TAF5L: variants seen among roughly 807,000 people sequenced by gnomAD.
TAF5L encodes the protein TATA-box binding protein associated factor 5 like, also known as TAF5-like RNA polymerase II p300/CBP-associated factor-associated factor 65 kDa subunit 5L.
TAF5L carries 7 observed loss-of-function variants against 51.3 expected under a neutral mutation model. The ratio of observed to expected loss-of-function variants is 0.14; its 90% CI spans 0.08 to 0.26. The LOEUF (loss-of-function observed/expected upper bound fraction) is 0.26, where lower values mean the gene tolerates loss of function less well. Ranked by LOEUF, TAF5L falls within the 10% of genes least tolerant of loss-of-function variation. The probability of loss-of-function intolerance (pLI) is 1.00; values close to 1 mark genes in which losing one functional copy is unlikely to be tolerated. For synonymous variants in TAF5L, 291 were observed against 308.1 expected, an observed-to-expected ratio of 0.94 and a Z score of 0.58; for missense variants, 575 against 758.9, an observed-to-expected ratio of 0.76 and a Z score of 2.85.
Position 229,602,184 on chromosome 1 carries a change from G to A in TAF5L, c.972+11C>T, listed in dbSNP as rs1335978619. 1.9e-6 allele frequency: 3 copies of A among 1,604,294 alleles called. No individual in the cohort carries two copies. In the African/African-American group the frequency reaches 4.0e-5, roughly 22 times the overall value. ...AGGCGGGTGCAGGGAAGAAAAAAAT[G>A]GTATTCATACCTCCTCCTCCAGAAT... On this transcript the variant is annotated intron_variant, in intron 4 of 4. Coordinates refer to ENST00000258281, the Ensembl canonical transcript of TAF5L. This position sits in a 1 kb window ranked among gnomAD's most constrained non-coding sequence, Gnocchi z 4.6.
intron 4 of TAF5L, among the ~76,000 whole-genome samples, chr1:229,596,757 T>C (rs1002051465): frequency 1.3e-5 from 2 of 152,206 alleles, no homozygotes; most frequent in Non-Finnish European, 1.5e-5. Flanking sequence ...AATTCATCAA[T>C]TAAAATGGGT....
chr1:229,622,313 CTTG>C (rs1665241166), intron 1 of TAF5L, among the ~76,000 whole-genome samples: 3 of 152,256 alleles, frequency 2.0e-5, no homozygotes, highest in Middle Eastern at 3.4e-3. Context: ...CAAACAGCAC[CTTG>C]TTGTTCAAAA....
chr1:229,621,430 G>A (rs1055122759), intron 1 of TAF5L, among the ~76,000 whole-genome samples: 1 of 152,160 alleles, frequency 6.6e-6, no homozygotes, highest in Non-Finnish European at 1.5e-5. Context: ...ACCTTACTGG[G>A]AGGATATCTT....
chr1:229,615,261 G>T (rs540999736), intron 1 of TAF5L, among the ~76,000 whole-genome samples: 1 of 152,148 alleles, frequency 6.6e-6, no homozygotes, highest in African/African-American at 2.4e-5. Context: ...CTAATTTTTT[G>T]TATTTTTAGT....
chr1:229,614,403 C>A (rs1664898466), exon 2 of TAF5L: 3 of 1,614,230 alleles, frequency 1.9e-6, no homozygotes, highest in Non-Finnish European at 2.5e-6. Flanking sequence ...CTTCAGGGGA[C>A]CATCTGAGTC....
intron 1 of TAF5L, among the ~76,000 whole-genome samples, chr1:229,617,542 T>A (rs996305183): frequency 6.6e-6 from 1 of 152,222 alleles, no homozygotes; most frequent in African/African-American, 2.4e-5. Flanking sequence ...TGCACATCCG[T>A]GAGCATTCCA....
chr1:229,613,360 A>T (rs920347647), intron 2 of TAF5L, among the ~76,000 whole-genome samples: 7 of 151,488 alleles, frequency 4.6e-5, no homozygotes, highest in Non-Finnish European at 1.0e-4. Flanking sequence ...AAGAAAGAAG[A>T]AGAAGAAGAA....
chr1:229,613,339 A>AG (rs1386766564), intron 2 of TAF5L, among the ~76,000 whole-genome samples: 2 of 151,588 alleles, frequency 1.3e-5, no homozygotes, highest in East Asian at 1.9e-4. Context: ...CAAAAAAAAA[A>AG]AAAAAAAAAG....
chr1:229,609,237 G>T (rs557658561), intron 3 of TAF5L, among the ~76,000 whole-genome samples: 2 of 152,152 alleles, frequency 1.3e-5, no homozygotes, highest in Non-Finnish European at 2.9e-5. Flanking sequence ...ACAGTGAGAT[G>T]GCTCTTGTCA....
chr1:229,601,155 C>G, intron 4 of TAF5L: 1 of 985,148 alleles, frequency 1.0e-6, no homozygotes, highest in Non-Finnish European at 1.2e-6. Context: ...GTCTCGGTTG[C>G]AAGAATCAAA....
At chr1:229,601,190 A>C (rs979299237) in intron 4 of TAF5L, 3 of 985,446 alleles carry the variant, frequency 3.0e-6, no homozygotes, top group Non-Finnish European at 3.6e-6. Context: ...CCTAACTGGA[A>C]GTGGACTCAG....
At chr1:229,598,014 A>G (rs1664191171) in intron 4 of TAF5L, among the ~76,000 whole-genome samples, 2 of 152,210 alleles carry the variant, frequency 1.3e-5, no homozygotes, top group African/African-American at 4.8e-5. Context: ...GTGGAACAGG[A>G]AGACATTAAA....
intron 3 of TAF5L, among the ~76,000 whole-genome samples, chr1:229,605,859 C>T (rs6666951): frequency 1.3e-5 from 2 of 152,236 alleles, no homozygotes; most frequent in African/African-American, 4.8e-5. Flanking sequence ...TGTGCCAAGC[C>T]TCCACAATTG....
At chr1:229,612,088 T>C (rs1003511093) in intron 2 of TAF5L, among the ~76,000 whole-genome samples, 2 of 152,224 alleles carry the variant, frequency 1.3e-5, no homozygotes, top group Non-Finnish European at 2.9e-5. Context: ...GGTCAAATCG[T>C]AGCTATCTCT....
chr1:229,594,386 C>G lies in TAF5L; in HGVS notation c.1681G>C (p.Gly561Arg). 6.2e-7 allele frequency: 1 copy of G among 1,614,152 alleles called. No individual in the cohort carries two copies. The highest frequency in any genetic ancestry group is 8.5e-7 in the Non-Finnish European group (1 of 1,180,034). Reference sequence around the variant, plus strand: ...ACGCTCAGGACGTTGCTCATCTGCCCGGTGTACACGCCCACGAGCTCGCTG... The same window carrying G: ...ACGCTCAGGACGTTGCTCATCTGCCGGGTGTACACGCCCACGAGCTCGCTG... Residue 561 changes from glycine to arginine, a missense_variant, in exon 5 of 5, where the codon GGG becomes CGG. Gly to Arg is a moderately radical substitution (Grantham distance 125). Coordinates refer to ENST00000258281, the Ensembl canonical transcript of TAF5L. The surrounding 1 kb of genome is among the most constrained non-coding windows in gnomAD (Gnocchi z 7.9).
chr1:229,614,575 A>T lies in TAF5L; in HGVS notation c.-3-90T>A, dbSNP rs1427033733. ...GCACCATCGCAGATGGGTAGGACAC[A>T]TGGGAGAGAAAGACCAGCCATGTGG... On this transcript the variant is annotated intron_variant, in intron 1 of 4. Coordinates refer to ENST00000258281, the Ensembl canonical transcript of TAF5L. 7 of 1,520,686 alleles carry T rather than the reference A, an allele frequency of 4.6e-6. 1 individual carries two copies. The highest frequency in any genetic ancestry group is 6.2e-6 in the Non-Finnish European group (7 of 1,123,862). 94.2% of individuals were successfully genotyped at this position (1,520,686 alleles called of 1,614,324 possible).
chr1:229,606,858 T>C (rs1484516739), intron 3 of TAF5L: 1 of 985,294 alleles, frequency 1.0e-6, no homozygotes, highest in Admixed American at 6.2e-5. Flanking sequence ...GCTCACAGAA[T>C]CTCTCATCTA....
chr1:229,594,993 G>C lies in TAF5L; in HGVS notation c.1074C>G (p.Leu358=), dbSNP rs759169485. 12 of 1,614,198 alleles carry C rather than the reference G, an allele frequency of 7.4e-6. No homozygotes were observed. The highest frequency in any genetic ancestry group is 1.6e-4 in the Middle Eastern group (1 of 6,062). Residue 358 remains leucine (L), a synonymous_variant, in exon 5 of 5, where the codon CTC becomes CTG. Coordinates refer to ENST00000258281, the Ensembl canonical transcript of TAF5L. This position sits in a 1 kb window ranked among gnomAD's most constrained non-coding sequence, Gnocchi z 7.9. ...TGATGGACATGTCTTCAGAACAAGA[G>C]AGCAACCCTGAGCTGTCCGCGAGGA...
In TAF5L at chr1:229,594,299, A is replaced by G. The variant is rs753978723; in HGVS notation, c.1768T>C (p.Ter590GlnextTer22). 2 of 1,604,012 alleles carry G rather than the reference A, an allele frequency of 1.2e-6. No individual in the cohort carries two copies. Among genetic ancestry groups the G allele is most frequent in the Non-Finnish European group, 1.7e-6 (2 of 1,173,204 alleles). The change falls in exon 5 of 5, where the codon TAA (stop) becomes CAA (glutamine). Residue 590 changes from the stop codon to glutamine, a stop_lost. Transcript: ENST00000258281. This position sits in a 1 kb window ranked among gnomAD's most constrained non-coding sequence, Gnocchi z 7.9. ...TCCGTTCCAACAAAGTTAAAAAATT[A>G]ATGTTCCTGATTTTCTTGTGTAATT...
Sources: gnomAD v4.1 joint callset for allele counts (sites outside exome capture counted in the v4.1 genomes callset) on GRCh38, gnomAD v4.1.1 for gene constraint, Gnocchi (gnomAD v3.1) non-coding constraint, MANE v1.5 for transcripts, NCBI Gene and HGNC (gene_info 2026-07-23, HGNC 2026-07-21) for gene names.